The following CACNA2D1 variants were observed in gnomAD, a reference collection of about 807,000 sequenced individuals.
CACNA2D1 encodes the protein calcium voltage-gated channel auxiliary subunit alpha2delta 1, also known as voltage-dependent calcium channel subunit alpha-2/delta-1.
Under a neutral mutation model 171.5 loss-of-function variants are expected in CACNA2D1, and 53 were observed. The observed-to-expected ratio is 0.31, with a 90% CI of 0.25 to 0.39. The LOEUF is 0.39. Ranked by LOEUF, CACNA2D1 falls within the 10% of genes least tolerant of loss-of-function variation. The pLI is 1.00. For missense variants in CACNA2D1, 903 were observed against 1,299.8 expected (o/e 0.69, Z 4.69); for synonymous variants, 442 against 443.1 (o/e 1.00, Z 0.03).
At chr7:82,223,795 T>G (rs187499086) in intron 3 of CACNA2D1, among the ~76,000 whole-genome samples, 5 of 152,308 alleles carry the variant, frequency 3.3e-5, no homozygotes, top group Admixed American at 2.6e-4. Context: ...GGAGCCATAA[T>G]GATGCTTCTG....
chr7:81,953,317 A>G lies in CACNA2D1; in HGVS notation c.3160-2809T>C, dbSNP rs138030264. ...GCTTGACATTTCTCATCATTCTCAG[A>G]GCAAAATCTACATTCTTTATTGAGG... On this transcript the variant is annotated intron_variant, in intron 38 of 38. Transcript: ENST00000356860. Among the ~76,000 whole-genome samples the G allele has an allele frequency of 3.4e-3, 513 of 152,134 alleles. 1 individual carries two copies. The highest frequency in any genetic ancestry group is 0.01 in the Middle Eastern group (3 of 294).
intron 3 of CACNA2D1, among the ~76,000 whole-genome samples, chr7:82,323,316 C>T (rs969529839): frequency 6.6e-5 from 10 of 151,118 alleles, no homozygotes; most frequent in African/African-American, 2.4e-4. Flanking sequence ...TTTTTTGCCT[C>T]ACTTTGGGAT....
At chr7:81,984,471 G>C in intron 22 of CACNA2D1, 164 bp downstream of exon 22, 1 of 645,256 alleles carries the variant, frequency 1.5e-6, no homozygotes, top group Non-Finnish European at 2.9e-6. Flanking sequence ...AATATTTCTT[G>C]TTCCTTGCAT....
intron 3 of CACNA2D1, among the ~76,000 whole-genome samples, chr7:82,172,594 A>G (rs1796127885): frequency 6.8e-6 from 1 of 147,462 alleles, no homozygotes; most frequent in Non-Finnish European, 1.5e-5. Flanking sequence ...CTGGGACTAC[A>G]GGTTTGCATC....
chr7:82,223,548 G>C (rs1802019596), intron 3 of CACNA2D1, among the ~76,000 whole-genome samples: 1 of 152,198 alleles, frequency 6.6e-6, no homozygotes, highest in Non-Finnish European at 1.5e-5. Context: ...TAGATGCAAT[G>C]ACATTCGGTA....
chr7:82,105,108 T>A (rs566515882), intron 6 of CACNA2D1, among the ~76,000 whole-genome samples: 1 of 152,200 alleles, frequency 6.6e-6, no homozygotes, highest in Admixed American at 6.5e-5. Flanking sequence ...TGGTAATTAT[T>A]TTCCCTAGAC....
chr7:82,040,452 CAAAAAAAAA>C (rs34257660), intron 10 of CACNA2D1, among the ~76,000 whole-genome samples: 3 of 106,524 alleles, frequency 2.8e-5, no homozygotes, highest in African/African-American at 1.1e-4. Flanking sequence ...ATAATTTATT[CAAAAAAAAA>C]AAAAAAAAAA....
intron 23 of CACNA2D1, 89 bp downstream of exon 23, chr7:81,983,225 A>C (rs979009823): frequency 1.7e-5 from 19 of 1,109,064 alleles, no homozygotes; most frequent in Middle Eastern, 2.0e-4. Flanking sequence ...TGAGAAGCAC[A>C]GAGGATAATA....
At chr7:82,134,959 T>A (rs1791435839) in intron 5 of CACNA2D1, among the ~76,000 whole-genome samples, 1 of 152,144 alleles carries the variant, frequency 6.6e-6, no homozygotes, top group African/African-American at 2.4e-5. Context: ...AATTTACATA[T>A]TATTGTTAAA....
intron 6 of CACNA2D1, among the ~76,000 whole-genome samples, chr7:82,093,793 C>T (rs1378742793): frequency 6.6e-6 from 1 of 152,118 alleles, no homozygotes; most frequent in Non-Finnish European, 1.5e-5. Flanking sequence ...ACACCACCCA[C>T]ACATACACAG....
intron 1 of CACNA2D1, among the ~76,000 whole-genome samples, chr7:82,435,934 A>G (rs910683176): frequency 1.3e-5 from 2 of 152,158 alleles, no homozygotes; most frequent in African/African-American, 4.8e-5. Context: ...CCAATTGACA[A>G]GTCCAATGCC....
At chr7:82,335,947 G>A (rs1817939817) in intron 2 of CACNA2D1, among the ~76,000 whole-genome samples, 1 of 152,134 alleles carries the variant, frequency 6.6e-6, no homozygotes, top group Non-Finnish European at 1.5e-5. Flanking sequence ...GATTTCCCCA[G>A]AGTGGCATAA....
intron 3 of CACNA2D1, among the ~76,000 whole-genome samples, chr7:82,236,016 C>A (rs1302239781): frequency 2.6e-5 from 4 of 152,004 alleles, no homozygotes; most frequent in Non-Finnish European, 5.9e-5. Flanking sequence ...ATAAATTAAG[C>A]CTATTAACCC....
chr7:82,050,750 A>G (rs1002961267), intron 10 of CACNA2D1: 6 of 655,672 alleles, frequency 9.2e-6, no homozygotes, highest in South Asian at 3.4e-5. Flanking sequence ...ACTAAATAAC[A>G]ATAATCATCA....
intron 12 of CACNA2D1, chr7:82,029,368 C>CA (rs977000710): frequency 3.3e-5 from 5 of 151,488 alleles, no homozygotes; most frequent in Non-Finnish European, 5.9e-5. Context: ...AATGGGAAAA[C>CA]AAAAAACTTG....
intron 4 of CACNA2D1, among the ~76,000 whole-genome samples, chr7:82,148,970 C>T (rs1017058472): frequency 6.6e-6 from 1 of 152,160 alleles, no homozygotes; most frequent in African/African-American, 2.4e-5. Flanking sequence ...ATAGAATCTT[C>T]TTGTATTTCC....
chr7:82,009,579 C>T (rs747799267), intron 15 of CACNA2D1, among the ~76,000 whole-genome samples: 2 of 152,028 alleles, frequency 1.3e-5, no homozygotes, highest in Non-Finnish European at 2.9e-5. Context: ...TGGTTTAAGA[C>T]AAGGTAGATA....
chr7:82,050,609 G>A (rs1355821338), intron 10 of CACNA2D1: 3 of 702,814 alleles, frequency 4.3e-6, no homozygotes, highest in Admixed American at 2.0e-5. Flanking sequence ...TTCGGGAGAA[G>A]GAGAAATCTC....
chr7:82,133,568 A>C (rs182535962), intron 5 of CACNA2D1, among the ~76,000 whole-genome samples: 1 of 152,290 alleles, frequency 6.6e-6, no homozygotes, highest in East Asian at 1.9e-4. Flanking sequence ...CACTTTTGGG[A>C]ATCTATCCTA....
Sources: gnomAD v4.1 joint callset for allele counts (sites outside exome capture counted in the v4.1 genomes callset) on GRCh38, gnomAD v4.1.1 for gene constraint, MANE v1.5 for transcripts, NCBI Gene and HGNC (gene_info 2026-07-23, HGNC 2026-07-21) for gene names.